The following SUGCT variants were observed in gnomAD, a reference collection of about 807,000 sequenced individuals.
SUGCT encodes the protein succinyl-CoA:glutarate-CoA transferase.
A neutral mutation model predicts 55.0 loss-of-function variants in SUGCT; 41 were observed. The ratio of observed to expected loss-of-function variants is 0.74; its 90% CI spans 0.58 to 0.97. SUGCT has a LOEUF of 0.97. SUGCT is among the 50% of genes least tolerant of loss of function. The probability of loss-of-function intolerance (pLI) is 0.00; values close to 1 mark genes in which losing one functional copy is unlikely to be tolerated. For synonymous variants in SUGCT, 187 were observed against 200.4 expected (o/e 0.93, Z 0.56); for missense variants, 568 against 547.8 (o/e 1.04, Z -0.37).
At chr7:40,728,377 G>A (rs1487329416) in intron 12 of SUGCT, among the ~76,000 whole-genome samples, 1 of 152,052 alleles carries the variant, frequency 6.6e-6, no homozygotes, top group African/African-American at 2.4e-5. Context: ...AAATTAGCCG[G>A]GCATAGTGGT....
intron 12 of SUGCT, among the ~76,000 whole-genome samples, chr7:40,575,793 G>A (rs1796711286): frequency 6.6e-6 from 1 of 151,442 alleles, no homozygotes. Flanking sequence ...TCAAAATACA[G>A]AATTAGCCGG....
intron 9 of SUGCT, among the ~76,000 whole-genome samples, chr7:40,352,054 C>G (rs2151200580): frequency 6.6e-6 from 1 of 152,260 alleles, no homozygotes; most frequent in Non-Finnish European, 1.5e-5. Flanking sequence ...CAGTGGTTTT[C>G]AAAATGTGAT....
chr7:40,731,077 G>C (rs1786864565), intron 12 of SUGCT, among the ~76,000 whole-genome samples: 1 of 152,172 alleles, frequency 6.6e-6, no homozygotes, highest in Admixed American at 6.5e-5. Flanking sequence ...TGAGACATGG[G>C]AGACTGAGTG....
Position 40,350,308 on chromosome 7 carries a change from ATTT to A in SUGCT, c.816+33454_816+33456del, listed in dbSNP as rs1429883987. ...TATTTATTTATTTATTTATTTATTT[ATTT>A]ATTTATTTATTTATTTATTTTTAAG... On this transcript the variant is annotated intron_variant, in intron 9 of 13. Coordinates refer to ENST00000335693, the MANE Select transcript of SUGCT (RefSeq NM_001193313.2). Among the ~76,000 whole-genome samples the A allele has an allele frequency of 1.5e-4, 22 of 142,908 alleles. No individual in the cohort carries two copies. In the East Asian group the frequency reaches 3.4e-3, roughly 22 times the overall value. The allele number at this position is 142,908 out of a possible 152,430, so 93.8% of individuals were successfully genotyped here. A position where few individuals can be genotyped will look rare whatever the true frequency, so the allele number is the denominator to read the frequency against.
At chr7:40,350,754 C>T (rs1395531313) in intron 9 of SUGCT, among the ~76,000 whole-genome samples, 1 of 152,098 alleles carries the variant, frequency 6.6e-6, no homozygotes, top group Non-Finnish European at 1.5e-5. Context: ...AACCCGTCAT[C>T]TACATTAGGT....
the SUGCT span, among the ~76,000 whole-genome samples, chr7:40,980,425 G>A: frequency 3.9e-5 from 6 of 152,000 alleles, no homozygotes; most frequent in South Asian, 2.1e-4. Flanking sequence ...CCCAATAGCC[G>A]CAAAAGTCTT....
the SUGCT span, among the ~76,000 whole-genome samples, chr7:40,866,069 C>A: frequency 6.6e-6 from 1 of 152,154 alleles, no homozygotes; most frequent in Non-Finnish European, 1.5e-5. Context: ...GTCACTCACA[C>A]CCCTTCCTCT....
intron 12 of SUGCT, among the ~76,000 whole-genome samples, chr7:40,742,675 G>T (rs369834596): frequency 6.6e-6 from 1 of 150,814 alleles, no homozygotes; most frequent in African/African-American, 2.4e-5. Flanking sequence ...CCATGGTACC[G>T]GTTTGCGGAC....
intron 9 of SUGCT, among the ~76,000 whole-genome samples, chr7:40,355,896 G>C (rs894622192): frequency 6.6e-6 from 1 of 152,234 alleles, no homozygotes; most frequent in African/African-American, 2.4e-5. Context: ...GATTTAAATT[G>C]AGCATGTTCA....
At chr7:40,954,760 T>C in the SUGCT span, among the ~76,000 whole-genome samples, 19 of 152,258 alleles carry the variant, frequency 1.2e-4, no homozygotes, top group Admixed American at 1.2e-3. Flanking sequence ...CTAGGGTTTT[T>C]ATGGTTTTAG....
intron 9 of SUGCT, among the ~76,000 whole-genome samples, chr7:40,369,796 C>T (rs887232028): frequency 4.6e-5 from 7 of 152,042 alleles, no homozygotes; most frequent in Non-Finnish European, 8.8e-5. Context: ...AAAGTTTATT[C>T]AGTTGCAATA....
intron 1 of SUGCT, among the ~76,000 whole-genome samples, chr7:40,155,691 GGTTATTATT>G (rs1022108739): frequency 1.2e-4 from 19 of 152,032 alleles, no homozygotes; most frequent in African/African-American, 4.6e-4. Flanking sequence ...ATAAATAATT[GGTTATTATT>G]GTTAATAATT....
intron 13 of SUGCT, among the ~76,000 whole-genome samples, chr7:40,821,319 G>T (rs1791984824): frequency 6.6e-6 from 1 of 152,126 alleles, no homozygotes; most frequent in African/African-American, 2.4e-5. Flanking sequence ...CTATTGATTG[G>T]AATAGTTTCA....
chr7:40,297,117 C>T (rs1404972012), intron 8 of SUGCT, among the ~76,000 whole-genome samples: 1 of 152,046 alleles, frequency 6.6e-6, no homozygotes, highest in East Asian at 1.9e-4. Flanking sequence ...TTATTATTAC[C>T]ACTACCTTAG....
intron 13 of SUGCT, among the ~76,000 whole-genome samples, chr7:40,838,691 C>T (rs1793121025): frequency 6.6e-6 from 1 of 152,118 alleles, no homozygotes; most frequent in Admixed American, 6.6e-5. Flanking sequence ...ATGCTATCTG[C>T]AAATAAGGAC....
intron 12 of SUGCT, among the ~76,000 whole-genome samples, chr7:40,508,480 A>T (rs1583859328): frequency 6.6e-6 from 1 of 152,136 alleles, no homozygotes; most frequent in African/African-American, 2.4e-5. Flanking sequence ...GTAGGTGGAG[A>T]GGAAGCCCTC....
the SUGCT span, among the ~76,000 whole-genome samples, chr7:40,970,510 G>T: frequency 1.3e-5 from 2 of 152,078 alleles, no homozygotes; most frequent in Non-Finnish European, 2.9e-5. Context: ...TTTCATTCAG[G>T]TATAGATTTT....
At position 40,424,337 on chromosome 7, in the gene SUGCT, T is replaced by G. The variant is rs76657770; in HGVS notation, c.817-24950T>G. Among the ~76,000 whole-genome samples, 265 of 152,268 alleles carry G rather than the reference T, an allele frequency of 1.7e-3. 4 individuals are homozygous for G. The East Asian group carries it at 0.023, about 13-fold the overall frequency. ...CATTTCTTTTTGCACATACTTGATA[T>G]GTGTGTAGGTGTGTGGAGAGCAGTA... On this transcript the variant is annotated intron_variant, in intron 9 of 13. Coordinates refer to ENST00000335693, the MANE Select transcript of SUGCT (RefSeq NM_001193313.2).
chr7:40,667,551 G>C (rs142737996), intron 12 of SUGCT, among the ~76,000 whole-genome samples: 6 of 150,378 alleles, frequency 4.0e-5, no homozygotes, highest in Admixed American at 6.6e-5. Flanking sequence ...GGTAGAATTC[G>C]ACTATGAATC....
Sources: allele counts gnomAD v4.1 joint callset (sites outside exome capture counted in the v4.1 genomes callset), GRCh38; gene constraint gnomAD v4.1.1; transcripts MANE v1.5; gene names NCBI Gene and HGNC (gene_info 2026-07-23, HGNC 2026-07-21).